PHAX: variants seen among roughly 807,000 people sequenced by gnomAD.
PHAX encodes the protein phosphorylated adaptor for RNA export, also known as phosphorylated adapter RNA export protein.
In PHAX, 31 loss-of-function variants were observed where a neutral mutation model predicts 41.6. The ratio of observed to expected loss-of-function variants is 0.75; its 90% CI spans 0.56 to 1.01. The LOEUF (loss-of-function observed/expected upper bound fraction) is 1.01. PHAX is among the 50% of genes least tolerant of loss of function. The pLI, the probability that PHAX is intolerant of heterozygous loss-of-function variation, is 0.00. For synonymous variants in PHAX, 175 were observed against 164.9 expected (o/e 1.06, Z -0.47); for missense variants, 453 against 472.9 (o/e 0.96, Z 0.39).
intron 1 of PHAX, among the ~76,000 whole-genome samples, chr5:126,603,026 A>G (rs1470228210): frequency 6.8e-6 from 1 of 146,346 alleles, no homozygotes; most frequent in African/African-American, 2.6e-5. Context: ...AAAAAAATAC[A>G]TGCCCAGCCT....
At chr5:126,609,262 G>A (rs929129332) in intron 3 of PHAX, among the ~76,000 whole-genome samples, 6 of 151,466 alleles carry the variant, frequency 4.0e-5, no homozygotes, top group African/African-American at 9.7e-5. Flanking sequence ...CACCACACCC[G>A]GCTAACGTTT....
At chr5:126,611,614 T>G (rs552420515) in intron 3 of PHAX, among the ~76,000 whole-genome samples, 3 of 152,084 alleles carry the variant, frequency 2.0e-5, no homozygotes, top group African/African-American at 7.2e-5. Context: ...GGTGAAATCC[T>G]GTTCTACAAA....
Position 126,603,733 on chromosome 5 carries a change from G to C in PHAX, c.260G>C (p.Cys87Ser), listed in dbSNP as rs1751942749. 2 of 1,614,148 alleles carry C rather than the reference G, an allele frequency of 1.2e-6. No homozygotes were observed. The highest frequency in any genetic ancestry group is 1.7e-6 in the Non-Finnish European group (2 of 1,180,034). ...SCLWKRKRQKCFNPPPKPEPF... is the reference protein window; with the variant it reads ...SCLWKRKRQKSFNPPPKPEPF... The stretch of plus-strand genomic sequence containing the variant: ...CTTTGGAAACGCAAACGACAGAAAT[G>C]TTTTAACCCTCCTCCCAAACCAGAG... The change falls in exon 2 of 5, where the codon TGT (cysteine) becomes TCT (serine). Residue 87 changes from cysteine (C) to serine (S), a missense_variant. Physicochemically the swap from Cys to Ser is moderately radical, Grantham distance 112. Transcript: ENST00000297540.
intron 3 of PHAX, among the ~76,000 whole-genome samples, chr5:126,611,277 C>T (rs571906340): frequency 6.6e-6 from 1 of 152,286 alleles, no homozygotes; most frequent in East Asian, 1.9e-4. Flanking sequence ...TGGTCTCAAA[C>T]TCCTGACCTC....
chr5:126,616,794 C>T (rs995743085), intron 3 of PHAX, among the ~76,000 whole-genome samples: 2 of 151,082 alleles, frequency 1.3e-5, no homozygotes, highest in African/African-American at 2.4e-5. Context: ...GCAGGAGAAA[C>T]GCTTGAACCC....
At chr5:126,604,253 A>C in intron 2 of PHAX, 70 bp downstream of exon 2, 1 of 1,248,820 alleles carries the variant, frequency 8.0e-7, no homozygotes, top group Middle Eastern at 2.1e-4. Flanking sequence ...AATGAATGCC[A>C]AATACTTTAA....
At chr5:126,613,523 C>T (rs960670802) in intron 3 of PHAX, among the ~76,000 whole-genome samples, 40 of 151,996 alleles carry the variant, frequency 2.6e-4, no homozygotes, top group Middle Eastern at 3.4e-3. Flanking sequence ...CAAAAAAATA[C>T]AAAAATTAGC....
In PHAX at chr5:126,608,753, A is replaced by G. The variant is rs185322764; in HGVS notation, c.831+269A>G. ...GGAGTTCGAGACCAGCCTGACCAAC[A>G]TGGAGAAACCCTGTCTCTACTAAAA... On this transcript the variant is annotated intron_variant, in intron 3 of 4. Transcript: ENST00000297540. 1.9e-3 allele frequency among the ~76,000 whole-genome samples: 287 copies of G among 152,144 alleles called. 2 individuals carry two copies. Among genetic ancestry groups the G allele is most frequent in the African/African-American group, 6.6e-3 (274 of 41,528 alleles).
intron 4 of PHAX, among the ~76,000 whole-genome samples, chr5:126,621,044 C>A (rs1221425449): frequency 6.6e-6 from 1 of 151,618 alleles, no homozygotes; most frequent in Non-Finnish European, 1.5e-5. Flanking sequence ...CCAAAAAATT[C>A]TTTTTAAAAA....
At chr5:126,613,379 A>G (rs1225461128) in intron 3 of PHAX, among the ~76,000 whole-genome samples, 1 of 152,158 alleles carries the variant, frequency 6.6e-6, no homozygotes, top group African/African-American at 2.4e-5. Context: ...AATTTATATG[A>G]CAGAATCCCA....
chr5:126,618,861 G>C (rs1200999664), intron 4 of PHAX, among the ~76,000 whole-genome samples: 1 of 151,934 alleles, frequency 6.6e-6, no homozygotes, highest in African/African-American at 2.4e-5. Flanking sequence ...GTTTCACCAT[G>C]TTAACCAGGA....
rs116439952 is a variant in PHAX at position 126,605,186 on chromosome 5, G to A, written c.710+1003G>A. Among the ~76,000 whole-genome samples, 452 of 150,634 alleles carry A rather than the reference G, an allele frequency of 3.0e-3. 1 individual carries two copies. The highest frequency in any genetic ancestry group is 0.01 in the Middle Eastern group (3 of 294). On this transcript the variant is annotated intron_variant, in intron 2 of 4. Coordinates refer to ENST00000297540, the MANE Select transcript of PHAX (RefSeq NM_032177.4). ...CACAGATTTTTTTTTTTTTTTAAGA[G>A]ATGGTCTTGCTCTGGTCACTCAGCT...
chr5:126,624,651 G>A lies in PHAX; in HGVS notation c.992G>A (p.Gly331Glu), dbSNP rs1026727463. ...AARKRRTQVL[G>E]KKMKQAIKSL... Reference sequence around the variant, plus strand: ...AGGAAGAGGAGAACACAAGTGTTGGGGAAAAAGATGAAACAAGCTATTAAA... The same window carrying A: ...AGGAAGAGGAGAACACAAGTGTTGGAGAAAAAGATGAAACAAGCTATTAAA... Residue 331 changes from glycine (G) to glutamate (E), a missense_variant, in exon 5 of 5, where the codon GGG becomes GAG. Gly to Glu is a moderately conservative substitution (Grantham distance 98). Coordinates refer to ENST00000297540, the MANE Select transcript of PHAX (RefSeq NM_032177.4). 6.2e-7 allele frequency: 1 copy of A among 1,613,650 alleles called. No individual in the cohort carries two copies. Among genetic ancestry groups the A allele is most frequent in the African/African-American group, 1.3e-5 (1 of 75,024 alleles).
chr5:126,627,036 A>C lies in PHAX; in HGVS notation c.*2192A>C, dbSNP rs1752367718. The C allele has an allele frequency of 6.6e-6, 1 of 152,224 alleles. No individual in the cohort carries two copies. Among genetic ancestry groups the C allele is most frequent in the African/African-American group, 2.4e-5 (1 of 41,454 alleles). The allele number at this position is 152,224 out of a possible 1,614,324, so 9.4% of individuals were successfully genotyped here. ...TATAGTTTACAAAAATATATTAAGC[A>C]AAAATATGCTTGATATATTAAGCAG... On this transcript the variant is annotated 3_prime_UTR_variant, in exon 5 of 5. Coordinates refer to ENST00000297540, the MANE Select transcript of PHAX (RefSeq NM_032177.4).
At chr5:126,602,643 T>G (rs993280684) in intron 1 of PHAX, among the ~76,000 whole-genome samples, 2 of 152,258 alleles carry the variant, frequency 1.3e-5, no homozygotes, top group South Asian at 2.1e-4. Flanking sequence ...AATCTCAGGT[T>G]GTTTTTACAT....
intron 4 of PHAX, among the ~76,000 whole-genome samples, chr5:126,622,768 G>A (rs970745303): frequency 2.0e-5 from 3 of 152,046 alleles, no homozygotes; most frequent in African/African-American, 4.8e-5. Context: ...TTGAATTAAA[G>A]GTAAGTGAAC....
At chr5:126,602,800 C>T (rs532503800) in intron 1 of PHAX, among the ~76,000 whole-genome samples, 5 of 151,944 alleles carry the variant, frequency 3.3e-5, no homozygotes, top group African/African-American at 7.3e-5. Context: ...GTCAGGAGAT[C>T]GAGACCATCC....
intron 3 of PHAX, among the ~76,000 whole-genome samples, chr5:126,614,836 A>G (rs1487946637): frequency 6.6e-6 from 1 of 151,954 alleles, no homozygotes; most frequent in Non-Finnish European, 1.5e-5. Flanking sequence ...GGCTTACTGC[A>G]ACCTCTGCCT....
rs188741491 is a variant in PHAX, at chr5:126,607,668, G to T, written c.711-696G>T. On this transcript the variant is annotated intron_variant, in intron 2 of 4. Transcript: ENST00000297540. ...TCCACCCACCTCGGCCTCCCAAAAT[G>T]CTGGGATTATAGGTGTGAGCCACCA... 1.3e-3 allele frequency among the ~76,000 whole-genome samples: 202 copies of T among 152,246 alleles called. 1 individual carries two copies. The highest frequency in any genetic ancestry group is 4.8e-3 in the African/African-American group (200 of 41,550).
Sources: allele counts gnomAD v4.1 joint callset (sites outside exome capture counted in the v4.1 genomes callset), GRCh38; gene constraint gnomAD v4.1.1; transcripts MANE v1.5; gene names NCBI Gene and HGNC (gene_info 2026-07-23, HGNC 2026-07-21).